The following FZD6 variants were observed in gnomAD, a reference collection of about 807,000 sequenced individuals.
The protein encoded by FZD6 is frizzled class receptor 6, also known as frizzled-6.
Under a neutral mutation model 61.4 loss-of-function variants are expected in FZD6, and 49 were observed. That is an observed-to-expected ratio of 0.80 (90% CI 0.63 to 1.01). The LOEUF (loss-of-function observed/expected upper bound fraction) is 1.01. FZD6 is among the 50% of genes least tolerant of loss of function. FZD6 has a pLI of 0.00. For missense variants in FZD6, 724 were observed against 848.2 expected, an observed-to-expected ratio of 0.85 and a Z score of 1.82; for synonymous variants, 265 against 292.2, an observed-to-expected ratio of 0.91 and a Z score of 0.95.
chr8:103,328,221 A>T, intron 4 of FZD6, 47 bp from the exon 5 acceptor site: 1 of 1,440,582 alleles, frequency 6.9e-7, no homozygotes, highest in Non-Finnish European at 9.8e-7. Flanking sequence ...ACTTCTTTCC[A>T]CTTTAAGTGC....
Position 103,324,970 on chromosome 8 carries a change from T to TC in FZD6, c.864_865insC (p.Tyr290ValfsTer29). ...AGGCTTGCACCGTTTTGTTCATGCT[T>TC]TTGTATTTTTTCACAATGGCTGGCA... is the stretch of plus-strand genomic sequence containing the variant. On this transcript the variant is annotated frameshift_variant, in exon 4 of 7. Transcript: ENST00000358755. LOFTEE classifies it high-confidence loss of function. 1 of 1,614,150 alleles carries TC rather than the reference T, an allele frequency of 6.2e-7. No individual in the cohort carries two copies. The highest frequency in any genetic ancestry group is 8.5e-7 in the Non-Finnish European group (1 of 1,180,024).
chr8:103,301,821 T>A (rs961252347), intron 2 of FZD6, among the ~76,000 whole-genome samples: 1 of 152,236 alleles, frequency 6.6e-6, no homozygotes, highest in Non-Finnish European at 1.5e-5. Flanking sequence ...AGCAACTAGC[T>A]TTGTTCTGCA....
Position 103,310,957 on chromosome 8 carries a change from GT to G in FZD6, c.178-7625del, listed in dbSNP as rs556438679. On this transcript the variant is annotated intron_variant, in intron 2 of 6. Coordinates refer to ENST00000358755, the MANE Select transcript of FZD6 (RefSeq NM_003506.4). ...AGATCACTTGCAAACCATTCTTTAT[GT>G]TTTTTTTCTGTACTAGTTGGTCTTC... Among the ~76,000 whole-genome samples the G allele has an allele frequency of 2.5e-3, 373 of 152,014 alleles. 2 individuals are homozygous for G. The highest frequency in any genetic ancestry group is 0.017 in the South Asian group (83 of 4,800).
chr8:103,328,026 G>A (rs931728884), intron 4 of FZD6, among the ~76,000 whole-genome samples: 2 of 152,100 alleles, frequency 1.3e-5, no homozygotes, highest in African/African-American at 4.8e-5. Context: ...AGATTTAGGA[G>A]ATTATTCTTA....
At chr8:103,317,430 T>A (rs1409469363) in intron 2 of FZD6, among the ~76,000 whole-genome samples, 20 of 152,200 alleles carry the variant, frequency 1.3e-4, no homozygotes, top group Admixed American at 1.3e-3. Flanking sequence ...ACTGTAAGAT[T>A]AGCAAGTGTG....
rs1413081357 is a variant in FZD6 at position 103,307,621 on chromosome 8, A to T, written c.177+7337A>T. 1.0e-5 allele frequency: 4 copies of T among 394,700 alleles called. No individual in the cohort carries two copies. The Admixed American group carries it at 1.4e-4, about 14-fold the overall frequency. The allele number at this position is 394,700 out of a possible 1,614,324, so 24.4% of individuals were successfully genotyped here. ...AAAAAATACTTTTAGACTTATTTTAATATTATTTTGCCCTGGTCATTCTTT... is the reference window on the plus strand; with the variant it reads ...AAAAAATACTTTTAGACTTATTTTATTATTATTTTGCCCTGGTCATTCTTT... On this transcript the variant is annotated intron_variant, in intron 2 of 6. Coordinates refer to ENST00000358755, the MANE Select transcript of FZD6 (RefSeq NM_003506.4).
At chr8:103,307,038 A>G (rs1051482838) in intron 2 of FZD6, among the ~76,000 whole-genome samples, 28 of 152,154 alleles carry the variant, frequency 1.8e-4, no homozygotes, top group Non-Finnish European at 1.5e-5. Context: ...GCTTGCTTCC[A>G]TGTACCAGTG....
intron 4 of FZD6, 115 bp from the exon 5 acceptor site, chr8:103,328,153 T>C: frequency 1.3e-6 from 1 of 790,968 alleles, no homozygotes; most frequent in Non-Finnish European, 2.1e-6. Context: ...ATTTCAAACC[T>C]TTTTAGTAAA....
At chr8:103,306,817 CT>C (rs1385817004) in intron 2 of FZD6, among the ~76,000 whole-genome samples, 2 of 152,004 alleles carry the variant, frequency 1.3e-5, no homozygotes, top group African/African-American at 4.8e-5. Context: ...AGGTTCATCA[CT>C]TTTTTTAATG....
intron 2 of FZD6, chr8:103,307,950 G>C (rs985102635): frequency 2.2e-6 from 1 of 455,940 alleles, no homozygotes; most frequent in Admixed American, 2.3e-5. Context: ...AAATTATCCA[G>C]GATACTTCTT....
intron 3 of FZD6, among the ~76,000 whole-genome samples, chr8:103,319,640 T>C (rs1194519943): frequency 6.6e-6 from 1 of 152,208 alleles, no homozygotes; most frequent in Non-Finnish European, 1.5e-5. Context: ...GGAAGTGTTA[T>C]ACCTTTTCCA....
At chr8:103,314,538 A>G (rs1814579912) in intron 2 of FZD6, among the ~76,000 whole-genome samples, 1 of 152,226 alleles carries the variant, frequency 6.6e-6, no homozygotes, top group Non-Finnish European at 1.5e-5. Flanking sequence ...GAGGTGACAA[A>G]GGATCCAATC....
At chr8:103,327,546 A>T (rs1230208636) in intron 4 of FZD6, among the ~76,000 whole-genome samples, 1 of 152,228 alleles carries the variant, frequency 6.6e-6, no homozygotes, top group Non-Finnish European at 1.5e-5. Context: ...TAGTGAGCTG[A>T]GATCACGCCA....
chr8:103,328,397 A>T lies in FZD6; in HGVS notation c.1522A>T (p.Lys508Ter), dbSNP rs1385205122. The change falls in exon 5 of 7, where the codon AAA (lysine) becomes TAA (stop). Residue 508 changes from lysine to a stop codon, truncating the protein, a stop_gained. Transcript: ENST00000358755. LOFTEE classifies it high-confidence loss of function. Reference protein sequence around the residue: ...KTCTEWAGFFKRNRKRDPISE... With the variant: ...KTCTEWAGFF ...ATGCACAGAATGGGCTGGGTTTTTT[A>T]AACGAAATCGCAAGAGAGAGTAAGA... The T allele has an allele frequency of 2.5e-6, 4 of 1,612,840 alleles. No individual in the cohort carries two copies. Among genetic ancestry groups the T allele is most frequent in the South Asian group, 1.1e-5 (1 of 91,056 alleles).
At chr8:103,308,166 G>A (rs1814394730) in intron 2 of FZD6, among the ~76,000 whole-genome samples, 1 of 152,164 alleles carries the variant, frequency 6.6e-6, no homozygotes, top group African/African-American at 2.4e-5. Flanking sequence ...CTATACTGGT[G>A]CAACTAGAGA....
At chr8:103,312,463 G>C (rs1276352317) in intron 2 of FZD6, among the ~76,000 whole-genome samples, 1 of 152,182 alleles carries the variant, frequency 6.6e-6, no homozygotes, top group Non-Finnish European at 1.5e-5. Flanking sequence ...TCAATTCATA[G>C]ATTTGCACTT....
At chr8:103,302,868 G>A (rs1476696233) in intron 2 of FZD6, among the ~76,000 whole-genome samples, 1 of 152,114 alleles carries the variant, frequency 6.6e-6, no homozygotes, top group Non-Finnish European at 1.5e-5. Flanking sequence ...TGAGGTGGGA[G>A]GATCACTTAA....
chr8:103,312,377 T>TA (rs774507432), intron 2 of FZD6, among the ~76,000 whole-genome samples: 6 of 152,190 alleles, frequency 3.9e-5, no homozygotes, highest in Non-Finnish European at 7.3e-5. Flanking sequence ...ACTGGGTTAC[T>TA]AAGAGAGTTG....
At chr8:103,315,131 G>A (rs1814594304) in intron 2 of FZD6, among the ~76,000 whole-genome samples, 1 of 152,014 alleles carries the variant, frequency 6.6e-6, no homozygotes, top group African/African-American at 2.4e-5. Flanking sequence ...GGCATTTCGA[G>A]TGGAAGGAGA....
Sources: gnomAD v4.1 joint callset for allele counts (sites outside exome capture counted in the v4.1 genomes callset) on GRCh38, gnomAD v4.1.1 for gene constraint, MANE v1.5 for transcripts, NCBI Gene and HGNC (gene_info 2026-07-23, HGNC 2026-07-21) for gene names.